The following MSRA variants were observed in gnomAD, a reference collection of about 807,000 sequenced individuals.
MSRA encodes the protein methionine sulfoxide reductase A.
MSRA carries 54 observed loss-of-function variants against 31.3 expected under a neutral mutation model. That is an observed-to-expected ratio of 1.73 (90% CI 1.39 to 2.17). MSRA has a LOEUF of 2.17. MSRA is among the 30% of genes most tolerant of loss of function. MSRA has a pLI of 0.00. For missense variants in MSRA, 507 were observed against 300.9 expected (o/e 1.69, Z -5.07); for synonymous variants, 169 against 116.5 (o/e 1.45, Z -2.90).
chr8:10,238,134 T>G (rs1330386938), intron 2 of MSRA, among the ~76,000 whole-genome samples: 1 of 152,210 alleles, frequency 6.6e-6, no homozygotes, highest in Non-Finnish European at 1.5e-5. Context: ...CCACACTGGC[T>G]TCCTTCCTGC....
chr8:10,142,542 G>T (rs1318088711), intron 1 of MSRA, among the ~76,000 whole-genome samples: 1 of 152,200 alleles, frequency 6.6e-6, no homozygotes, highest in Non-Finnish European at 1.5e-5. Flanking sequence ...CAAAGGTGAA[G>T]CTCTGATTTT....
intron 1 of MSRA, among the ~76,000 whole-genome samples, chr8:10,166,042 G>A (rs1447199701): frequency 6.6e-6 from 1 of 152,124 alleles, no homozygotes; most frequent in Non-Finnish European, 1.5e-5. Context: ...AGACCGTGTG[G>A]GCACAGGATG....
chr8:10,141,397 A>C (rs1420155186), intron 1 of MSRA, among the ~76,000 whole-genome samples: 1 of 152,234 alleles, frequency 6.6e-6, no homozygotes, highest in East Asian at 1.9e-4. Context: ...GAACCCAAGA[A>C]GCCTGGCACC....
At chr8:10,345,974 A>G (rs886971932) in intron 5 of MSRA, among the ~76,000 whole-genome samples, 32 of 152,344 alleles carry the variant, frequency 2.1e-4, no homozygotes, top group African/African-American at 6.7e-4. Context: ...GCCTACCTAC[A>G]GAATCATAGT....
At position 10,401,886 on chromosome 8, in the gene MSRA, G is replaced by A. The variant is rs139662469; in HGVS notation, c.544-26262G>A. ...CATAGAGATAGAAAATGGAATAGAG[G>A]TTCCCAGGGGCTGAGGAAAGGGGGA... On this transcript the variant is annotated intron_variant, in intron 5 of 5. Transcript: ENST00000317173. Among the ~76,000 whole-genome samples, 19 of 152,256 alleles carry A rather than the reference G, an allele frequency of 1.2e-4. 1 individual carries two copies. In the East Asian group the frequency reaches 2.3e-3, roughly 19 times the overall value.
chr8:10,272,022 A>T (rs1354204967), intron 3 of MSRA, among the ~76,000 whole-genome samples: 2 of 152,088 alleles, frequency 1.3e-5, no homozygotes, highest in Non-Finnish European at 2.9e-5. Flanking sequence ...ACTCTTTTTT[A>T]AAAATCCTCC....
intron 1 of MSRA, among the ~76,000 whole-genome samples, chr8:10,080,680 C>T (rs974600608): frequency 6.9e-6 from 1 of 144,578 alleles, no homozygotes; most frequent in South Asian, 2.3e-4. Context: ...CATGCGTTAC[C>T]ATGCCTGGCT....
At chr8:10,150,507 G>A (rs1739590803) in intron 1 of MSRA, among the ~76,000 whole-genome samples, 1 of 151,990 alleles carries the variant, frequency 6.6e-6, no homozygotes, top group Admixed American at 6.6e-5. Context: ...ATTTCAAAAT[G>A]CAACCATGTA....
intron 1 of MSRA, among the ~76,000 whole-genome samples, chr8:10,114,188 C>G (rs972719832): frequency 4.6e-5 from 7 of 152,078 alleles, no homozygotes; most frequent in African/African-American, 1.7e-4. Flanking sequence ...ATTGACATAC[C>G]ATATTTTGAC....
At chr8:10,423,179 C>T (rs1466886568) in intron 5 of MSRA, among the ~76,000 whole-genome samples, 1 of 152,186 alleles carries the variant, frequency 6.6e-6, no homozygotes, top group Admixed American at 6.5e-5. Flanking sequence ...CTGCGCATTA[C>T]CTGGGTCCCC....
At chr8:10,265,238 G>A (rs1429820222) in intron 3 of MSRA, among the ~76,000 whole-genome samples, 1 of 152,148 alleles carries the variant, frequency 6.6e-6, no homozygotes, top group Non-Finnish European at 1.5e-5. Context: ...CACGTGATGG[G>A]GAGAGAAGAG....
chr8:10,234,788 T>G (rs1402033808), intron 2 of MSRA, among the ~76,000 whole-genome samples: 20 of 152,014 alleles, frequency 1.3e-4, no homozygotes, highest in Admixed American at 1.3e-3. Flanking sequence ...AATGTAGGTA[T>G]CTTAATATTA....
intron 1 of MSRA, among the ~76,000 whole-genome samples, chr8:10,118,597 C>G (rs1418898118): frequency 6.6e-6 from 1 of 152,182 alleles, no homozygotes; most frequent in East Asian, 1.9e-4. Flanking sequence ...GTCCTCATCT[C>G]CCACCGCTCC....
chr8:10,162,167 C>G (rs1804717049), intron 1 of MSRA, among the ~76,000 whole-genome samples: 1 of 152,160 alleles, frequency 6.6e-6, no homozygotes, highest in Non-Finnish European at 1.5e-5. Context: ...TGCGGTGGAA[C>G]AGTGCTGGAG....
At chr8:10,096,592 G>A (rs572265315) in intron 1 of MSRA, among the ~76,000 whole-genome samples, 2 of 152,272 alleles carry the variant, frequency 1.3e-5, no homozygotes, top group South Asian at 4.1e-4. Flanking sequence ...ATAATTAAAC[G>A]ATTACTGTAG....
chr8:10,158,514 G>A (rs1044095747), intron 1 of MSRA, among the ~76,000 whole-genome samples: 1 of 152,204 alleles, frequency 6.6e-6, no homozygotes, highest in Non-Finnish European at 1.5e-5. Context: ...TAAGTTTTCA[G>A]GATTCATCTG....
At chr8:10,325,909 C>G (rs2129141223) in intron 5 of MSRA, among the ~76,000 whole-genome samples, 2 of 152,240 alleles carry the variant, frequency 1.3e-5, no homozygotes, top group South Asian at 4.2e-4. Flanking sequence ...TAGGGAGGGT[C>G]ATTTCTTAAC....
intron 5 of MSRA, among the ~76,000 whole-genome samples, chr8:10,375,766 T>G (rs1805723072): frequency 6.6e-6 from 1 of 152,184 alleles, no homozygotes; most frequent in African/African-American, 2.4e-5. Flanking sequence ...TGAAACCAAG[T>G]GGTCGAGACT....
chr8:10,241,789 A>G (rs764624003), intron 2 of MSRA, among the ~76,000 whole-genome samples: 9 of 152,208 alleles, frequency 5.9e-5, no homozygotes, highest in Non-Finnish European at 1.2e-4. Flanking sequence ...TCTGAGTCTG[A>G]TGAAGCCTCT....
Sources: allele counts gnomAD v4.1 joint callset (sites outside exome capture counted in the v4.1 genomes callset), GRCh38; gene constraint gnomAD v4.1.1; transcripts MANE v1.5; gene names NCBI Gene and HGNC (gene_info 2026-07-23, HGNC 2026-07-21).